CLPB: variants seen among roughly 807,000 people sequenced by gnomAD.
The protein encoded by CLPB is ClpB family mitochondrial disaggregase.
Under a neutral mutation model 78.4 loss-of-function variants are expected in CLPB, and 40 were observed. That is an observed-to-expected ratio of 0.51 (90% CI 0.40 to 0.66). The LOEUF (loss-of-function observed/expected upper bound fraction) is 0.66, where lower values mean the gene tolerates loss of function less well. Ranked by LOEUF, CLPB falls within the 30% of genes least tolerant of loss-of-function variation. The pLI is 0.00. For synonymous variants in CLPB, 333 were observed against 348.0 expected (o/e 0.96, Z 0.48); for missense variants, 780 against 886.9 (o/e 0.88, Z 1.53).
intron 15 of CLPB, 110 bp from the exon 16 acceptor site, chr11:72,293,725 C>T: frequency 7.5e-7 from 1 of 1,325,740 alleles, no homozygotes. Flanking sequence ...GAGCCTGAGC[C>T]TCAGCTTTCT....
chr11:72,303,040 A>T (rs962714060), intron 9 of CLPB: 1 of 152,352 alleles, frequency 6.6e-6, no homozygotes, highest in African/African-American at 2.4e-5. Context: ...GGTGAGGGCC[A>T]TGGTTAGCCC....
At chr11:72,345,008 A>G (rs1047439697) in intron 5 of CLPB, among the ~76,000 whole-genome samples, 2 of 152,218 alleles carry the variant, frequency 1.3e-5, no homozygotes, top group African/African-American at 4.8e-5. Flanking sequence ...ATATTGGCAA[A>G]AATCCAAAAG....
chr11:72,385,075 C>A (rs1322395004), intron 3 of CLPB, among the ~76,000 whole-genome samples: 1 of 152,178 alleles, frequency 6.6e-6, no homozygotes, highest in Non-Finnish European at 1.5e-5. Flanking sequence ...ACATTCCATC[C>A]AACAGCAGTA....
chr11:72,416,861 A>G (rs1462985522), intron 2 of CLPB, among the ~76,000 whole-genome samples: 9 of 152,188 alleles, frequency 5.9e-5, no homozygotes, highest in Non-Finnish European at 8.8e-5. Flanking sequence ...CAAAACCACA[A>G]TGAGATACCA....
chr11:72,358,816 A>G (rs978634510), intron 5 of CLPB, 64 bp downstream of exon 5: 6 of 18,052 alleles, frequency 3.3e-4, no homozygotes, highest in East Asian at 2.0e-3. Flanking sequence ...CCCCTCCTCC[A>G]CCCCCCCCAC....
chr11:72,407,985 A>G (rs2135100324), intron 2 of CLPB: 2 of 733,376 alleles, frequency 2.7e-6, no homozygotes, highest in East Asian at 2.7e-5. Context: ...AGGAAGGCAC[A>G]TCATCTGGCT....
chr11:72,328,277 C>T (rs926818852), intron 6 of CLPB, among the ~76,000 whole-genome samples: 4 of 152,168 alleles, frequency 2.6e-5, no homozygotes, highest in African/African-American at 9.7e-5. Flanking sequence ...GAGTCTGCCC[C>T]TCACCCACAA....
intron 2 of CLPB, among the ~76,000 whole-genome samples, chr11:72,419,606 T>C (rs538079712): frequency 8.5e-5 from 13 of 152,334 alleles, no homozygotes; most frequent in Admixed American, 3.9e-4. Flanking sequence ...TGGAGTACCA[T>C]TGGCCTTTTT....
chr11:72,384,969 T>C (rs1250308867), intron 3 of CLPB, among the ~76,000 whole-genome samples: 1 of 152,202 alleles, frequency 6.6e-6, no homozygotes, highest in African/African-American at 2.4e-5. Context: ...TATCCTACTT[T>C]CAGCAATGGA....
chr11:72,301,386 G>A (rs891890526), intron 11 of CLPB, among the ~76,000 whole-genome samples: 2 of 152,208 alleles, frequency 1.3e-5, no homozygotes, highest in African/African-American at 4.8e-5. Context: ...AGCTGTCTGA[G>A]GCAGAAGGAT....
chr11:72,393,091 G>A (rs944011025), intron 3 of CLPB, among the ~76,000 whole-genome samples: 4 of 152,212 alleles, frequency 2.6e-5, no homozygotes, highest in East Asian at 3.8e-4. Flanking sequence ...GGCATGGCAC[G>A]TTAAGCTGAT....
chr11:72,430,290 C>A (rs1275285604), intron 2 of CLPB, 22 bp downstream of exon 2: 2 of 1,610,806 alleles, frequency 1.2e-6, no homozygotes, highest in South Asian at 1.1e-5. Context: ...TAGGGGAGAG[C>A]AAGGCCTGGG....
intron 2 of CLPB, chr11:72,428,741 C>G (rs867203383): frequency 3.3e-5 from 5 of 152,142 alleles, no homozygotes; most frequent in African/African-American, 4.8e-5. Context: ...CATGAAAAGC[C>G]CCCCCAGACA....
chr11:72,351,385 G>A (rs1950611846), intron 5 of CLPB: 2 of 152,202 alleles, frequency 1.3e-5, no homozygotes, highest in African/African-American at 2.4e-5. Context: ...TACCAGCAAA[G>A]CAGTCATGTT....
intron 3 of CLPB, among the ~76,000 whole-genome samples, chr11:72,394,300 G>GA (rs1461781552): frequency 2.0e-5 from 3 of 152,174 alleles, no homozygotes; most frequent in Non-Finnish European, 2.9e-5. Flanking sequence ...CCATCTCACA[G>GA]TTCCTAGAGA....
rs367645743 is a variant in CLPB, at chr11:72,312,459, A to G, written c.989-3855T>C. 7.2e-5 allele frequency among the ~76,000 whole-genome samples: 11 copies of G among 152,214 alleles called. No homozygotes were observed. Among genetic ancestry groups the G allele is most frequent in the Non-Finnish European group, 1.0e-4 (7 of 67,996 alleles). On this transcript the variant is annotated intron_variant, in intron 7 of 15. Transcript: ENST00000538039. This position sits in a 1 kb window ranked among gnomAD's most constrained non-coding sequence, Gnocchi z 4.2. Reference sequence around the variant, plus strand: ...GTCTGGCAGGGAGGGTGTGCCCCCAATCTGACCATATTCCATGGGAGCAGG... The same window carrying G: ...GTCTGGCAGGGAGGGTGTGCCCCCAGTCTGACCATATTCCATGGGAGCAGG...
intron 3 of CLPB, among the ~76,000 whole-genome samples, chr11:72,390,550 GATT>G (rs374145759): frequency 6.6e-5 from 10 of 151,714 alleles, no homozygotes; most frequent in African/African-American, 1.4e-4. Context: ...ACCAAAAAAG[GATT>G]ATTACTAGGT....
Position 72,358,981 on chromosome 11 carries a change from T to C in CLPB, c.674A>G (p.Asn225Ser), listed in dbSNP as rs1329422609. The change falls in exon 5 of 16, where the codon AAC (asparagine) becomes AGC (serine). Residue 225 changes from asparagine (N) to serine (S), a missense_variant. Physicochemically the swap from Asn to Ser is conservative, Grantham distance 46. This residue lies in a region of CLPB where 417 missense variants were observed against 414.7 expected (regional missense o/e 1.01). Coordinates refer to ENST00000538039, the MANE Select transcript of CLPB (RefSeq NM_001258392.3). ...EVLITREDDF[N>S]NRLNNRASFK... The stretch of plus-strand genomic sequence containing the variant: ...ACTGGCGCGGTTGTTCAGCCTGTTG[T>C]TGAAGTCATCCTCTCGGGTGATCAG... The C allele has an allele frequency of 6.2e-7, 1 of 1,613,662 alleles. No homozygotes were observed. Among genetic ancestry groups the C allele is most frequent in the South Asian group, 1.1e-5 (1 of 91,050 alleles).
rs570301663 is a variant in CLPB, at chr11:72,408,070, G to A, written c.456-5018C>T. 2.6e-5 allele frequency: 38 copies of A among 1,438,326 alleles called. No homozygotes were observed. The Middle Eastern group carries it at 1.0e-3, about 38-fold the overall frequency. The allele number at this position is 1,438,326 out of a possible 1,614,324, so 89.1% of individuals were successfully genotyped here. A position where few individuals can be genotyped will look rare whatever the true frequency, so the allele number is the denominator to read the frequency against. On this transcript the variant is annotated intron_variant, in intron 2 of 15. Transcript: ENST00000538039. Reference sequence around the variant, plus strand: ...CATAGGAGTTTTAGGAGGCAGCACCGAAATATAAAGGAAAGGGCTCTACAA... The same window carrying A: ...CATAGGAGTTTTAGGAGGCAGCACCAAAATATAAAGGAAAGGGCTCTACAA...
Sources: gnomAD v4.1 joint callset for allele counts (sites outside exome capture counted in the v4.1 genomes callset) on GRCh38, gnomAD v4.1.1 for gene constraint, gnomAD v4.1.1 regional missense constraint, Gnocchi (gnomAD v3.1) non-coding constraint, MANE v1.5 for transcripts, NCBI Gene and HGNC (gene_info 2026-07-23, HGNC 2026-07-21) for gene names.